Variants in CTNND2 observed in about 807,000 individuals in gnomAD.
CTNND2 encodes the protein catenin delta-2.
In CTNND2, 22 loss-of-function variants were observed where a neutral mutation model predicts 144.4. The ratio of observed to expected loss-of-function variants is 0.15; its 90% CI spans 0.11 to 0.22. The LOEUF (loss-of-function observed/expected upper bound fraction) is 0.22, where lower values mean the gene tolerates loss of function less well. Among genes scored for constraint, CTNND2 ranks in the 10% least tolerant of loss-of-function variants. The pLI is 1.00. For missense variants in CTNND2, 1,353 were observed against 1,618.8 expected (o/e 0.84, Z 2.82); for synonymous variants, 751 against 695.6 (o/e 1.08, Z -1.25).
chr5:11,593,082 G>C (rs1161123766), intron 2 of CTNND2, among the ~76,000 whole-genome samples: 2 of 152,120 alleles, frequency 1.3e-5, no homozygotes, highest in African/African-American at 4.8e-5. Context: ...ACTCCATCTG[G>C]AGTGAAGGGC....
chr5:11,629,488 C>T (rs903229537), intron 2 of CTNND2, among the ~76,000 whole-genome samples: 10 of 151,956 alleles, frequency 6.6e-5, no homozygotes, highest in East Asian at 1.9e-4. Context: ...TTTCCACCCC[C>T]GAAACATAAG....
At chr5:11,482,390 G>A (rs981945220) in intron 3 of CTNND2, among the ~76,000 whole-genome samples, 1 of 152,150 alleles carries the variant, frequency 6.6e-6, no homozygotes, top group Admixed American at 6.5e-5. Context: ...AGGATTCAGT[G>A]AATAGAGGTC....
At chr5:11,049,920 T>C (rs1351208575) in intron 16 of CTNND2, among the ~76,000 whole-genome samples, 1 of 152,244 alleles carries the variant, frequency 6.6e-6, no homozygotes, top group Non-Finnish European at 1.5e-5. Context: ...TGTTGCTACA[T>C]ACAGACTACT....
In CTNND2 at chr5:11,040,611, C is replaced by T. The variant is rs566368764; in HGVS notation, c.2789-17632G>A. On this transcript the variant is annotated intron_variant, in intron 16 of 21. Coordinates refer to ENST00000304623, the MANE Select transcript of CTNND2 (RefSeq NM_001332.4). ...AGTAGAACTGTGGGCAAGAAGGTGG[C>T]TGAGATATGCATATTTAACTAGTAT... Among the ~76,000 whole-genome samples, 5 of 152,190 alleles carry T rather than the reference C, an allele frequency of 3.3e-5. No individual in the cohort carries two copies. The East Asian group carries it at 9.7e-4, about 29-fold the overall frequency.
chr5:11,416,829 T>C (rs7728281), intron 3 of CTNND2, among the ~76,000 whole-genome samples: 17,537 of 152,136 alleles, frequency 0.12, 1,977 homozygotes, highest in African/African-American at 0.29. Flanking sequence ...TTTTATGAAA[T>C]AGAAATCACC....
chr5:11,489,173 A>G (rs750403108), intron 3 of CTNND2, among the ~76,000 whole-genome samples: 18 of 152,190 alleles, frequency 1.2e-4, no homozygotes, highest in Non-Finnish European at 2.1e-4. Flanking sequence ...CGAGCCATGT[A>G]TAAGAATTCT....
At chr5:11,043,761 A>G (rs1158800460) in intron 16 of CTNND2, among the ~76,000 whole-genome samples, 1 of 152,182 alleles carries the variant, frequency 6.6e-6, no homozygotes, top group African/African-American at 2.4e-5. Flanking sequence ...TGCTGTGGCA[A>G]TTTCTTTATT....
chr5:11,659,004 T>TA (rs1783051785), intron 2 of CTNND2, among the ~76,000 whole-genome samples: 1 of 152,180 alleles, frequency 6.6e-6, no homozygotes, highest in South Asian at 2.1e-4. Context: ...TAAAAACTTT[T>TA]AAAAATTCAT....
intron 1 of CTNND2, among the ~76,000 whole-genome samples, chr5:11,897,710 G>A (rs181470015): frequency 3.1e-4 from 47 of 152,238 alleles, no homozygotes; most frequent in Middle Eastern, 3.4e-3. Flanking sequence ...AAATCAACCA[G>A]GGCATTAGAC....
intron 1 of CTNND2, among the ~76,000 whole-genome samples, chr5:11,852,880 C>T (rs1426383942): frequency 1.3e-5 from 2 of 152,160 alleles, no homozygotes; most frequent in Non-Finnish European, 2.9e-5. Flanking sequence ...CTTATGTGTG[C>T]ACTTTACCAG....
chr5:11,865,915 A>AAAAAAAAAAAC lies in CTNND2; in HGVS notation c.37+37901_37+37902insGTTTTTTTTTT, dbSNP rs1553986082. Among the ~76,000 whole-genome samples the AAAAAAAAAAAC allele has an allele frequency of 1.9e-4, 28 of 149,342 alleles. 1 individual carries two copies. Among genetic ancestry groups the AAAAAAAAAAAC allele is most frequent in the East Asian group, 6.0e-4 (3 of 4,974 alleles). ...AGCTGGAAGAGACAAAAAAAAAAAAACGAGTTCTCCTCTAGAGCCTCCAGA... is the reference window on the plus strand; with the variant it reads ...AGCTGGAAGAGACAAAAAAAAAAAAAAAAAAAAAAACCGAGTTCTCCTCTAGAGCCTCCAGA... On this transcript the variant is annotated intron_variant, in intron 1 of 21. Transcript: ENST00000304623.
Position 11,498,239 on chromosome 5 carries a change from C to T in CTNND2, c.287+66705G>A, listed in dbSNP as rs531090290. The stretch of plus-strand genomic sequence containing the variant: ...AAAACTAGCCATCACTCTCCCCCAC[C>T]CCCTCAAACACACATACACATATGC... On this transcript the variant is annotated intron_variant, in intron 3 of 21. Coordinates refer to ENST00000304623, the MANE Select transcript of CTNND2 (RefSeq NM_001332.4). 8.5e-5 allele frequency among the ~76,000 whole-genome samples: 13 copies of T among 152,156 alleles called. 1 individual carries two copies. The highest frequency in any genetic ancestry group is 3.1e-4 in the African/African-American group (13 of 41,506).
At chr5:11,492,224 T>C (rs142322657) in intron 3 of CTNND2, among the ~76,000 whole-genome samples, 272 of 152,300 alleles carry the variant, frequency 1.8e-3, no homozygotes, top group Non-Finnish European at 3.3e-3. Context: ...TTTACTGGCA[T>C]GTTCTCAGAA....
intron 9 of CTNND2, among the ~76,000 whole-genome samples, chr5:11,300,547 C>T (rs1749479921): frequency 6.6e-6 from 1 of 152,138 alleles, no homozygotes; most frequent in Non-Finnish European, 1.5e-5. Flanking sequence ...AAGTCCTTCC[C>T]ACCCTCCCCA....
At chr5:11,497,528 G>GCCC in intron 3 of CTNND2, among the ~76,000 whole-genome samples, 1 of 84,714 alleles carries the variant, frequency 1.2e-5, no homozygotes, top group Non-Finnish European at 2.3e-5. Flanking sequence ...GTGGGGGGGG[G>GCCC]CAATATGTGC....
intron 2 of CTNND2, among the ~76,000 whole-genome samples, chr5:11,697,007 A>G (rs1785170208): frequency 7.0e-6 from 1 of 143,070 alleles, no homozygotes; most frequent in African/African-American, 3.1e-5. Flanking sequence ...AAGTTTCAAA[A>G]TGTCCATAAA....
chr5:11,678,599 A>G (rs1326193115), intron 2 of CTNND2, among the ~76,000 whole-genome samples: 1 of 152,218 alleles, frequency 6.6e-6, no homozygotes, highest in Non-Finnish European at 1.5e-5. Flanking sequence ...GATCATTGAT[A>G]TGAGCAGGGA....
intron 2 of CTNND2, among the ~76,000 whole-genome samples, chr5:11,650,131 G>A (rs1482413283): frequency 6.6e-6 from 1 of 152,146 alleles, no homozygotes; most frequent in African/African-American, 2.4e-5. Flanking sequence ...AACATGATTG[G>A]ATCGTGGGGG....
chr5:11,865,903 A>AAAAAAAAAAAAAAC (rs1795743909), intron 1 of CTNND2, among the ~76,000 whole-genome samples: 2 of 20,208 alleles, frequency 9.9e-5, no homozygotes, highest in Admixed American at 7.6e-4. Flanking sequence ...TGGAAGAGAC[A>AAAAAAAAAAAAAAC]AAAAAAAAAA....
Sources: gnomAD v4.1 joint callset for allele counts (sites outside exome capture counted in the v4.1 genomes callset) on GRCh38, gnomAD v4.1.1 for gene constraint, MANE v1.5 for transcripts, NCBI Gene and HGNC (gene_info 2026-07-23, HGNC 2026-07-21) for gene names.